The following SPNS2 variants were observed in gnomAD, a reference collection of about 807,000 sequenced individuals.
SPNS2 encodes sphingosine-1-phosphate transporter SPNS2.
SPNS2 carries 37 observed loss-of-function variants against 57.6 expected under a neutral mutation model. The observed-to-expected ratio is 0.64, with a 90% CI of 0.49 to 0.85. The LOEUF is 0.85. Among genes scored for constraint, SPNS2 ranks in the 40% least tolerant of loss-of-function variants. SPNS2 has a pLI of 0.00. For synonymous variants in SPNS2, 440 were observed against 346.9 expected, an observed-to-expected ratio of 1.27 and a Z score of -2.98; for missense variants, 831 against 779.1, an observed-to-expected ratio of 1.07 and a Z score of -0.79.
At chr17:4,525,001 C>T (rs1480307555) in intron 2 of SPNS2, 56 bp from the exon 3 acceptor site, 9 of 1,592,068 alleles carry the variant, frequency 5.7e-6, no homozygotes, top group Middle Eastern at 3.4e-4. Flanking sequence ...TGAAATGGGC[C>T]GGGAGGCCGG....
intron 3 of SPNS2, among the ~76,000 whole-genome samples, chr17:4,528,675 C>T (rs1386707938): frequency 1.3e-5 from 2 of 152,104 alleles, no homozygotes; most frequent in African/African-American, 4.8e-5. Context: ...AGGGTTTTCA[C>T]CGTGTTGGCC....
rs113504488 is a variant in SPNS2, at chr17:4,533,636, G to A, written c.1279-152G>A. ...TGCCTCAGGGCCGTGGGCATGGCTT[G>A]AAGTCTCTGGATAGCCCATGAATGG... On this transcript the variant is annotated intron_variant, in intron 8 of 12. Coordinates refer to ENST00000329078, the MANE Select transcript of SPNS2 (RefSeq NM_001124758.3). 0.017 allele frequency: 17,297 copies of A among 1,047,620 alleles called. 251 individuals are homozygous for A. Among genetic ancestry groups the A allele is most frequent in the African/African-American group, 0.048 (3,063 of 64,400 alleles). The allele number at this position is 1,047,620 out of a possible 1,614,324, so 64.9% of individuals were successfully genotyped here.
chr17:4,506,013 G>A (rs572058458), intron 1 of SPNS2, among the ~76,000 whole-genome samples: 1 of 152,186 alleles, frequency 6.6e-6, no homozygotes, highest in African/African-American at 2.4e-5. Context: ...GGGGTTACTT[G>A]GTCACACAGC....
rs148849751 is a variant in SPNS2, at chr17:4,534,550, C to T, written c.1344+697C>T. 219 of 153,064 alleles carry T rather than the reference C, an allele frequency of 1.4e-3. 1 individual carries two copies. The highest frequency in any genetic ancestry group is 6.6e-3 in the Middle Eastern group (2 of 304). The allele number at this position is 153,064 out of a possible 1,614,324, so 9.5% of individuals were successfully genotyped here. ...CAGAGAGGAAGGACTCGGGTGGATTCTCAGGGTGCCCGGGTTTGGGTGCCC... is the reference window on the plus strand; with the variant it reads ...CAGAGAGGAAGGACTCGGGTGGATTTTCAGGGTGCCCGGGTTTGGGTGCCC... On this transcript the variant is annotated intron_variant, in intron 9 of 12. Transcript: ENST00000329078.
intron 2 of SPNS2, among the ~76,000 whole-genome samples, chr17:4,523,655 C>G (rs1401379764): frequency 6.6e-6 from 1 of 152,092 alleles, no homozygotes; most frequent in Non-Finnish European, 1.5e-5. Context: ...GTAATGCCAG[C>G]TACTCGTGAG....
Position 4,513,228 on chromosome 17 carries a change from C to G in SPNS2, c.371-19C>G, listed in dbSNP as rs546829580. On this transcript the variant is annotated intron_variant, in intron 1 of 12. Coordinates refer to ENST00000329078, the MANE Select transcript of SPNS2 (RefSeq NM_001124758.3). Reference sequence around the variant, plus strand: ...AGCCATCAGACTCGGCCAGTGAGCACCCTCTGTCTTCCCTCCAGGCGTCCT... The same window carrying G: ...AGCCATCAGACTCGGCCAGTGAGCAGCCTCTGTCTTCCCTCCAGGCGTCCT... The G allele has an allele frequency of 6.2e-7, 1 of 1,613,582 alleles. No individual in the cohort carries two copies. The highest frequency in any genetic ancestry group is 2.2e-5 in the East Asian group (1 of 44,868).
At chr17:4,524,688 CAATAAA>C (rs895361712) in intron 2 of SPNS2, among the ~76,000 whole-genome samples, 1 of 152,094 alleles carries the variant, frequency 6.6e-6, no homozygotes, top group African/African-American at 2.4e-5. Context: ...TGTCTCAAAA[CAATAAA>C]AATAAAATTT....
In SPNS2 at chr17:4,536,574, A is replaced by G. The variant is rs1597372272; in HGVS notation, c.1607+148A>G. On this transcript the variant is annotated intron_variant, in intron 11 of 12. Coordinates refer to ENST00000329078, the MANE Select transcript of SPNS2 (RefSeq NM_001124758.3). Reference sequence around the variant, plus strand: ...CACTGGTTGCTGGGGTCCAGCCCTGAGGCCCAGTGCCAGGGTCAGCCTGGA... The same window carrying G: ...CACTGGTTGCTGGGGTCCAGCCCTGGGGCCCAGTGCCAGGGTCAGCCTGGA... 10 of 1,025,278 alleles carry G rather than the reference A, an allele frequency of 9.8e-6. No individual in the cohort carries two copies. In the East Asian group the frequency reaches 2.4e-4, roughly 24 times the overall value. 63.5% of individuals were successfully genotyped at this position (1,025,278 alleles called of 1,614,324 possible).
At position 4,516,885 on chromosome 17, in the gene SPNS2, A is replaced by G. The variant is rs372253341; in HGVS notation, c.436+3573A>G. Among the ~76,000 whole-genome samples the G allele has an allele frequency of 9.2e-5, 14 of 152,322 alleles. No individual in the cohort carries two copies. In the South Asian group the frequency reaches 2.5e-3, roughly 27 times the overall value. On this transcript the variant is annotated intron_variant, in intron 2 of 12. Transcript: ENST00000329078. ...ATGCAGAGTGTTTAGGGACCAGATAAACGTCTTCGAAGCTTGTTACGGTAT... is the reference window on the plus strand; with the variant it reads ...ATGCAGAGTGTTTAGGGACCAGATAGACGTCTTCGAAGCTTGTTACGGTAT...
intron 2 of SPNS2, among the ~76,000 whole-genome samples, chr17:4,519,989 G>A (rs896554640): frequency 1.3e-5 from 2 of 152,256 alleles, no homozygotes; most frequent in South Asian, 4.1e-4. Flanking sequence ...TGAGCAGAGA[G>A]AGGGCAGCAG....
intron 8 of SPNS2, 72 bp from the exon 9 acceptor site, chr17:4,533,716 T>C: frequency 6.5e-7 from 1 of 1,539,966 alleles, no homozygotes; most frequent in Admixed American, 1.7e-5. Context: ...GCAGCCAGTG[T>C]GTAGGGAACA....
Position 4,538,076 on chromosome 17 carries a change from C to A in SPNS2, c.*628C>A. The A allele has an allele frequency of 3.0e-6, 1 of 335,954 alleles. No individual in the cohort carries two copies. Among genetic ancestry groups the A allele is most frequent in the Non-Finnish European group, 5.9e-6 (1 of 168,816 alleles). The allele number at this position is 335,954 out of a possible 1,614,324, so 20.8% of individuals were successfully genotyped here. On this transcript the variant is annotated 3_prime_UTR_variant, in exon 13 of 13. Transcript: ENST00000329078. ...TCCCTGGAGGACACTGTCTCACTGT[C>A]TCGGGTTGGCTCCCAGCCTGGAGGT...
Position 4,499,130 on chromosome 17 carries a change from G to C in SPNS2, c.83G>C (p.Arg28Pro). 8.7e-7 allele frequency: 1 copy of C among 1,143,878 alleles called. No homozygotes were observed. The allele number at this position is 1,143,878 out of a possible 1,614,324, so 70.9% of individuals were successfully genotyped here. A position where few individuals can be genotyped will look rare whatever the true frequency, so the allele number is the denominator to read the frequency against. The change falls in exon 1 of 13, where the codon CGG (arginine) becomes CCG (proline). Residue 28 changes from arginine to proline, a missense_variant. Coordinates refer to ENST00000329078, the MANE Select transcript of SPNS2 (RefSeq NM_001124758.3). The surrounding 1 kb of genome is among the most constrained non-coding windows in gnomAD (Gnocchi z 5.2). The part of the protein sequence containing the change: ...EADAERRRRR[R>P]GAQRGAGGSG... ...GACGCGGAGCGGCGGCGCCGGCGCC[G>C]GGGGGCGCAGCGAGGGGCTGGCGGT...
chr17:4,536,800 C>A, intron 11 of SPNS2, 100 bp from the exon 12 acceptor site: 1 of 995,266 alleles, frequency 1.0e-6, no homozygotes. Context: ...CTGCCCAGCA[C>A]CTCCGGTCAG....
chr17:4,530,241 G>A (rs1905404716), intron 3 of SPNS2, among the ~76,000 whole-genome samples: 1 of 152,208 alleles, frequency 6.6e-6, no homozygotes, highest in Non-Finnish European at 1.5e-5. Context: ...CACACAGAGT[G>A]GAGGGTGGTG....
Position 4,533,221 on chromosome 17 carries a change from C to T in SPNS2, c.1089-22C>T, listed in dbSNP as rs1053675335. On this transcript the variant is annotated intron_variant, in intron 7 of 12. Transcript: ENST00000329078. ...GCCCTGAGCCGCCTCAACTCGTGCG[C>T]CACCATCCTCTGTCCCCACAGCCTC... is the stretch of plus-strand genomic sequence containing the variant. 2.5e-6 allele frequency: 4 copies of T among 1,585,804 alleles called. No homozygotes were observed. In the South Asian group the frequency reaches 4.5e-5, roughly 18 times the overall value.
At chr17:4,532,117 T>C (rs1294215823) in intron 5 of SPNS2, among the ~76,000 whole-genome samples, 1 of 151,904 alleles carries the variant, frequency 6.6e-6, no homozygotes, top group African/African-American at 2.4e-5. Context: ...CCATCCACCA[T>C]CCGTCCGTCT....
chr17:4,537,353 AGGCTTGC>A, intron 12 of SPNS2, 93 bp from the exon 13 acceptor site: 2 of 397,734 alleles, frequency 5.0e-6, no homozygotes, highest in Non-Finnish European at 4.9e-6. Context: ...GTCCAGGAGA[AGGCTTGC>A]GTCTCCAAAC....
intron 2 of SPNS2, among the ~76,000 whole-genome samples, chr17:4,519,186 G>A (rs569840255): frequency 2.6e-5 from 4 of 152,302 alleles, no homozygotes; most frequent in East Asian, 3.9e-4. Context: ...AAAAATAGCC[G>A]TGGCTCAGCC....
Sources: allele counts gnomAD v4.1 joint callset (sites outside exome capture counted in the v4.1 genomes callset), GRCh38; gene constraint gnomAD v4.1.1; non-coding constraint Gnocchi (gnomAD v3.1); transcripts MANE v1.5; gene names NCBI Gene and HGNC (gene_info 2026-07-23, HGNC 2026-07-21).